Variants in MTMR12 observed in about 807,000 individuals in gnomAD.
MTMR12 encodes the protein myotubularin related protein 12.
Under a neutral mutation model 96.7 loss-of-function variants are expected in MTMR12, and 33 were observed. The ratio of observed to expected loss-of-function variants is 0.34; its 90% CI spans 0.26 to 0.46. The LOEUF (loss-of-function observed/expected upper bound fraction) is 0.46. Ranked by LOEUF, MTMR12 falls within the 20% of genes least tolerant of loss-of-function variation. The pLI, the probability that MTMR12 is intolerant of heterozygous loss-of-function variation, is 1.00. For missense variants in MTMR12, 721 were observed against 896.1 expected, an observed-to-expected ratio of 0.80 and a Z score of 2.49; for synonymous variants, 298 against 327.2, an observed-to-expected ratio of 0.91 and a Z score of 0.96.
intron 8 of MTMR12, among the ~76,000 whole-genome samples, chr5:32,253,355 G>T (rs151241404): frequency 2.6e-5 from 4 of 152,254 alleles, no homozygotes; most frequent in African/African-American, 9.6e-5. Flanking sequence ...TAATTTCACC[G>T]ATTCCAAATA....
chr5:32,278,623 A>G (rs996665803), intron 1 of MTMR12, among the ~76,000 whole-genome samples: 1 of 152,108 alleles, frequency 6.6e-6, no homozygotes, highest in African/African-American at 2.4e-5. Flanking sequence ...TGTTATCTAA[A>G]CACTCTCTGG....
At chr5:32,293,989 C>T (rs775076885) in intron 1 of MTMR12, among the ~76,000 whole-genome samples, 1 of 152,234 alleles carries the variant, frequency 6.6e-6, no homozygotes, top group African/African-American at 2.4e-5. Flanking sequence ...ACAGCCTGTG[C>T]TCTGCTCCAT....
chr5:32,259,149 A>G (rs1311326279), intron 7 of MTMR12, among the ~76,000 whole-genome samples: 1 of 152,198 alleles, frequency 6.6e-6, no homozygotes, highest in East Asian at 1.9e-4. Context: ...AGATGAGCTT[A>G]GAACACAAAG....
intron 10 of MTMR12, among the ~76,000 whole-genome samples, chr5:32,244,012 G>C (rs1390055952): frequency 6.6e-6 from 1 of 152,144 alleles, no homozygotes; most frequent in Non-Finnish European, 1.5e-5. Flanking sequence ...ACTTTCATTA[G>C]AATCTCAATG....
chr5:32,263,630 G>A (rs1053810867), intron 6 of MTMR12, among the ~76,000 whole-genome samples: 1 of 152,046 alleles, frequency 6.6e-6, no homozygotes, highest in African/African-American at 2.4e-5. Flanking sequence ...TAGAGACGGG[G>A]TTTCACCATG....
intron 8 of MTMR12, among the ~76,000 whole-genome samples, chr5:32,253,939 A>G (rs1215416116): frequency 6.6e-6 from 1 of 152,218 alleles, no homozygotes; most frequent in African/African-American, 2.4e-5. Flanking sequence ...CACAGTTTCT[A>G]TCAAAGTAAT....
chr5:32,295,021 G>A (rs1750872967), intron 1 of MTMR12, among the ~76,000 whole-genome samples: 1 of 152,216 alleles, frequency 6.6e-6, no homozygotes, highest in Admixed American at 6.5e-5. Context: ...TTCTCACTGA[G>A]AATACAGACT....
intron 1 of MTMR12, among the ~76,000 whole-genome samples, chr5:32,305,128 G>A (rs528181544): frequency 5.3e-5 from 8 of 152,050 alleles, no homozygotes; most frequent in East Asian, 3.9e-4. Context: ...TTGCTCTGTC[G>A]CCCAGGCTGG....
At chr5:32,258,700 G>T (rs1323902933) in intron 7 of MTMR12, among the ~76,000 whole-genome samples, 1 of 152,030 alleles carries the variant, frequency 6.6e-6, no homozygotes, top group Non-Finnish European at 1.5e-5. Context: ...TTACAAACAG[G>T]CCACTGTTTC....
rs542048596 is a variant in MTMR12, at chr5:32,232,177, C to T, written c.1674+1596G>A. On this transcript the variant is annotated intron_variant, in intron 15 of 15. Transcript: ENST00000382142. Reference sequence around the variant, plus strand: ...GCACACTGGAATGGGTCCCCCCCACCGTGTGGCATTTGCACGGCAGCACCA... The same window carrying T: ...GCACACTGGAATGGGTCCCCCCCACTGTGTGGCATTTGCACGGCAGCACCA... Among the ~76,000 whole-genome samples the T allele has an allele frequency of 3.3e-4, 51 of 152,320 alleles. No homozygotes were observed. The South Asian group carries it at 0.01, about 31-fold the overall frequency.
At chr5:32,248,981 T>C in intron 8 of MTMR12, 103 bp from the exon 9 acceptor site, 2 of 845,154 alleles carry the variant, frequency 2.4e-6, no homozygotes, top group Non-Finnish European at 4.0e-6. Context: ...GTAACTTCAG[T>C]ATGAAATGGC....
intron 6 of MTMR12, among the ~76,000 whole-genome samples, chr5:32,266,840 G>A (rs545218330): frequency 1.8e-4 from 27 of 152,204 alleles, no homozygotes; most frequent in South Asian, 8.3e-4. Context: ...AGCACTTTGG[G>A]AGGCCAAGGC....
chr5:32,296,063 G>T (rs1169055601), intron 1 of MTMR12, among the ~76,000 whole-genome samples: 2 of 152,172 alleles, frequency 1.3e-5, no homozygotes, highest in Non-Finnish European at 2.9e-5. Context: ...GGAGGCTGAG[G>T]CAGGAGAATT....
chr5:32,236,674 C>A (rs1217306233), intron 13 of MTMR12, among the ~76,000 whole-genome samples: 2 of 151,476 alleles, frequency 1.3e-5, no homozygotes, highest in Non-Finnish European at 2.9e-5. Flanking sequence ...CCTGTCTCTA[C>A]TAAAAATACA....
chr5:32,230,798 T>A (rs1158131416), intron 15 of MTMR12, among the ~76,000 whole-genome samples: 1 of 152,230 alleles, frequency 6.6e-6, no homozygotes, highest in South Asian at 2.1e-4. Context: ...ACCACTACAA[T>A]CTTCTGAACA....
chr5:32,310,787 T>C (rs1751552773), intron 1 of MTMR12, among the ~76,000 whole-genome samples: 1 of 152,162 alleles, frequency 6.6e-6, no homozygotes, highest in Admixed American at 6.5e-5. Context: ...AGAGTATAAT[T>C]GGATAGTGTG....
chr5:32,248,869 A>G lies in MTMR12; in HGVS notation c.799T>C (p.Trp267Arg). ...FQGHGIPIWC[W>R]SCHNGSALLK... ...AGGGCACTTCCATTGTGGCAGGACC[A>G]ACACCATATCTGTAGAAACAAATAA... is the stretch of plus-strand genomic sequence containing the variant. Residue 267 changes from tryptophan to arginine, a missense_variant, in exon 9 of 16, where the codon TGG (tryptophan) becomes CGG (arginine). Physicochemically the swap from Trp to Arg is moderately radical, Grantham distance 101 (BLOSUM62 -3). Coordinates refer to ENST00000382142, the MANE Select transcript of MTMR12 (RefSeq NM_001040446.3). The G allele has an allele frequency of 6.2e-7, 1 of 1,613,530 alleles. No individual in the cohort carries two copies. The highest frequency in any genetic ancestry group is 8.5e-7 in the Non-Finnish European group (1 of 1,179,402).
intron 15 of MTMR12, among the ~76,000 whole-genome samples, chr5:32,230,687 A>C (rs548305179): frequency 1.3e-5 from 2 of 152,352 alleles, no homozygotes; most frequent in South Asian, 4.2e-4. Flanking sequence ...AAAGCTGTTT[A>C]ACTTAAGATA....
At chr5:32,296,465 C>T in intron 1 of MTMR12, 3 of 365,544 alleles carry the variant, frequency 8.2e-6, no homozygotes, top group South Asian at 3.9e-5. Context: ...GGCAACAGAG[C>T]AAGACCTTGT....
Sources: gnomAD v4.1 joint callset for allele counts (sites outside exome capture counted in the v4.1 genomes callset) on GRCh38, gnomAD v4.1.1 for gene constraint, MANE v1.5 for transcripts, NCBI Gene and HGNC (gene_info 2026-07-23, HGNC 2026-07-21) for gene names.